The following LPGAT1 variants were observed in gnomAD, a reference collection of about 807,000 sequenced individuals.
LPGAT1 encodes acyl-CoA:lysophosphatidylglycerol acyltransferase 1.
Under a neutral mutation model 47.5 loss-of-function variants are expected in LPGAT1, and 11 were observed. The observed-to-expected ratio is 0.23, with a 90% CI of 0.15 to 0.38. LPGAT1 has a LOEUF of 0.38. Ranked by LOEUF, LPGAT1 falls within the 10% of genes least tolerant of loss-of-function variation. The pLI, the probability that LPGAT1 is intolerant of heterozygous loss-of-function variation, is 1.00. For synonymous variants in LPGAT1, 138 were observed against 144.2 expected (o/e 0.96, Z 0.31); for missense variants, 293 against 439.0 (o/e 0.67, Z 2.97).
chr1:211,764,943 A>C (rs995052975), intron 6 of LPGAT1, among the ~76,000 whole-genome samples: 1 of 152,208 alleles, frequency 6.6e-6, no homozygotes, highest in Admixed American at 6.5e-5. Context: ...TGCAACAGTC[A>C]AGAGCCCTCA....
intron 6 of LPGAT1, among the ~76,000 whole-genome samples, chr1:211,771,415 G>A (rs1487679613): frequency 6.6e-6 from 1 of 151,914 alleles, no homozygotes; most frequent in Admixed American, 6.6e-5. Context: ...TTTGTTATGT[G>A]CACTTCAAAC....
At chr1:211,756,494 AT>A (rs1657460125) in intron 6 of LPGAT1, among the ~76,000 whole-genome samples, 1 of 152,108 alleles carries the variant, frequency 6.6e-6, no homozygotes, top group South Asian at 2.1e-4. Context: ...TGCCCAGCTA[AT>A]TTTTTTGTTG....
At chr1:211,750,383 C>T (rs1307001766) in intron 7 of LPGAT1, among the ~76,000 whole-genome samples, 2 of 152,166 alleles carry the variant, frequency 1.3e-5, no homozygotes, top group Non-Finnish European at 2.9e-5. Flanking sequence ...TGGTCATGAT[C>T]CCAATTATCT....
At chr1:211,762,504 A>G (rs975195541) in intron 6 of LPGAT1, among the ~76,000 whole-genome samples, 1 of 152,252 alleles carries the variant, frequency 6.6e-6, no homozygotes, top group Non-Finnish European at 1.5e-5. Context: ...GGATTAAAAT[A>G]TTAAAATGAC....
chr1:211,793,422 T>C (rs1659221213), intron 2 of LPGAT1: 1 of 155,842 alleles, frequency 6.4e-6, no homozygotes, highest in Admixed American at 6.6e-5. Flanking sequence ...TATTTATTTA[T>C]TTATTTATTT....
chr1:211,785,563 T>C (rs1274210256), intron 4 of LPGAT1, among the ~76,000 whole-genome samples: 2 of 151,942 alleles, frequency 1.3e-5, no homozygotes, highest in African/African-American at 4.8e-5. Flanking sequence ...TACCTAATTT[T>C]CAACTTTTAT....
chr1:211,778,097 C>T (rs1308886159), intron 6 of LPGAT1, among the ~76,000 whole-genome samples: 1 of 152,168 alleles, frequency 6.6e-6, no homozygotes, highest in African/African-American at 2.4e-5. Context: ...AATCCCAGCA[C>T]TTTGGGAGGC....
At chr1:211,750,921 G>A in intron 7 of LPGAT1, 40 bp downstream of exon 7, 4 of 1,389,802 alleles carry the variant, frequency 2.9e-6, no homozygotes, top group Non-Finnish European at 4.1e-6. Context: ...TTTCATTACT[G>A]TTGCTATAAT....
intron 6 of LPGAT1, among the ~76,000 whole-genome samples, chr1:211,752,856 T>C (rs1448438570): frequency 6.6e-6 from 1 of 151,332 alleles, no homozygotes; most frequent in Non-Finnish European, 1.5e-5. Flanking sequence ...AACCTTTACA[T>C]TTGACATATT....
chr1:211,830,198 C>T lies in LPGAT1; in HGVS notation c.-28+375G>A. The T allele has an allele frequency of 2.0e-6, 2 of 983,140 alleles. No individual in the cohort carries two copies. Among genetic ancestry groups the T allele is most frequent in the Middle Eastern group, 5.2e-4 (1 of 1,910 alleles). The allele number at this position is 983,140 out of a possible 1,614,324, so 60.9% of individuals were successfully genotyped here. ...CCGGGCTCACCTCGGCGGGCGCGGA[C>T]GGCGGGCGGCTGCGGAGAGCGGGGG... is the stretch of plus-strand genomic sequence containing the variant. On this transcript the variant is annotated intron_variant, in intron 1 of 7. Coordinates refer to ENST00000366997, the MANE Select transcript of LPGAT1 (RefSeq NM_014873.3). This position sits in a 1 kb window ranked among gnomAD's most constrained non-coding sequence, Gnocchi z 5.9.
intron 7 of LPGAT1, among the ~76,000 whole-genome samples, chr1:211,750,637 T>C (rs766492000): frequency 6.6e-6 from 1 of 152,252 alleles, no homozygotes; most frequent in Non-Finnish European, 1.5e-5. Context: ...AAAGGCAATA[T>C]GCTTTATGAA....
intron 4 of LPGAT1, among the ~76,000 whole-genome samples, chr1:211,785,434 CT>C (rs1658834616): frequency 6.6e-6 from 1 of 151,954 alleles, no homozygotes; most frequent in Non-Finnish European, 1.5e-5. Flanking sequence ...TATTACTAAT[CT>C]ATCGGGGAAA....
intron 6 of LPGAT1, among the ~76,000 whole-genome samples, chr1:211,773,466 T>G (rs1312025146): frequency 6.6e-6 from 1 of 152,168 alleles, no homozygotes; most frequent in African/African-American, 2.4e-5. Flanking sequence ...GTAACCAAAG[T>G]CCTAATCAAG....
rs949501362 is a variant in LPGAT1, at chr1:211,808,175, G to A, written c.239-14985C>T. Among the ~76,000 whole-genome samples the A allele has an allele frequency of 2.2e-3, 329 of 151,902 alleles. 3 individuals are homozygous for A. The highest frequency in any genetic ancestry group is 3.7e-4 in the Non-Finnish European group (25 of 67,918). ...AGCCTGACCAACATGGAGAAACCCC[G>A]TCTCTACTAAAAATACAAAATTAGC... On this transcript the variant is annotated intron_variant, in intron 2 of 7. Coordinates refer to ENST00000366997, the MANE Select transcript of LPGAT1 (RefSeq NM_014873.3).
intron 6 of LPGAT1, among the ~76,000 whole-genome samples, chr1:211,752,394 T>C (rs1657230322): frequency 6.6e-6 from 1 of 151,728 alleles, no homozygotes. Flanking sequence ...TTGAGAGAGA[T>C]GTGACCTTGA....
At chr1:211,823,667 G>A (rs1243212574) in intron 2 of LPGAT1, among the ~76,000 whole-genome samples, 1 of 152,140 alleles carries the variant, frequency 6.6e-6, no homozygotes, top group Admixed American at 6.5e-5. Flanking sequence ...GCCAGGCATG[G>A]TGGCTCATTC....
chr1:211,759,172 T>C (rs1039325583), intron 6 of LPGAT1, among the ~76,000 whole-genome samples: 3 of 152,236 alleles, frequency 2.0e-5, no homozygotes, highest in African/African-American at 7.2e-5. Context: ...GGTTTTGGTG[T>C]CAATGTTATG....
rs751758819 is a variant in LPGAT1, at chr1:211,778,879, T to C, written c.854+39A>G. On this transcript the variant is annotated intron_variant, in intron 6 of 7. Transcript: ENST00000366997. Reference sequence around the variant, plus strand: ...ACATTCATACTATTCTGAGGTAGTATTGTTGGATATATACTGAGTACTAAT... The same window carrying C: ...ACATTCATACTATTCTGAGGTAGTACTGTTGGATATATACTGAGTACTAAT... 5.5e-6 allele frequency: 8 copies of C among 1,466,602 alleles called. No homozygotes were observed. The African/African-American group carries it at 1.0e-4, about 19-fold the overall frequency. The allele number at this position is 1,466,602 out of a possible 1,614,324, so 90.8% of individuals were successfully genotyped here.
At chr1:211,819,781 T>C (rs1660304402) in intron 2 of LPGAT1, among the ~76,000 whole-genome samples, 1 of 152,082 alleles carries the variant, frequency 6.6e-6, no homozygotes, top group Admixed American at 6.5e-5. Flanking sequence ...GGTCAGAAGT[T>C]TGAGATCAGC....
Sources: allele counts gnomAD v4.1 joint callset (sites outside exome capture counted in the v4.1 genomes callset), GRCh38; gene constraint gnomAD v4.1.1; non-coding constraint Gnocchi (gnomAD v3.1); transcripts MANE v1.5; gene names NCBI Gene and HGNC (gene_info 2026-07-23, HGNC 2026-07-21).